The following RALGAPA2 variants were observed in gnomAD, a reference collection of about 807,000 sequenced individuals.
RALGAPA2 encodes ral GTPase-activating protein subunit alpha-2.
RALGAPA2 carries 139 observed loss-of-function variants against 230.4 expected under a neutral mutation model. The ratio of observed to expected loss-of-function variants is 0.60; its 90% CI spans 0.53 to 0.69. RALGAPA2 has a LOEUF of 0.69. Among genes scored for constraint, RALGAPA2 ranks in the 30% least tolerant of loss-of-function variants. RALGAPA2 has a pLI of 0.00. For missense variants in RALGAPA2, 2,163 were observed against 2,276.0 expected (o/e 0.95, Z 1.01); for synonymous variants, 847 against 837.8 (o/e 1.01, Z -0.19).
chr20:20,539,321 T>C (rs1004566885), intron 24 of RALGAPA2, among the ~76,000 whole-genome samples: 2 of 152,148 alleles, frequency 1.3e-5, no homozygotes, highest in Non-Finnish European at 2.9e-5. Flanking sequence ...CTTTCACCAG[T>C]TCCTCTACAA....
intron 24 of RALGAPA2, among the ~76,000 whole-genome samples, chr20:20,537,701 G>T (rs1271372899): frequency 1.3e-5 from 2 of 151,548 alleles, no homozygotes; most frequent in Non-Finnish European, 2.9e-5. Flanking sequence ...AAGAATAGGG[G>T]ACTACACAGG....
rs2059631272 is a variant in RALGAPA2, at chr20:20,393,142, T to G, written c.*147A>C. ...GAGGGCACTAGTACAGCAACGAAAT[T>G]TCCTGGAGATTCTGGGTTTAGTGGC... On this transcript the variant is annotated 3_prime_UTR_variant, in exon 40 of 40. Coordinates refer to ENST00000202677, the MANE Select transcript of RALGAPA2 (RefSeq NM_020343.4). 7.3e-7 allele frequency: 1 copy of G among 1,360,548 alleles called. No homozygotes were observed. Among genetic ancestry groups the G allele is most frequent in the Non-Finnish European group, 9.8e-7 (1 of 1,019,368 alleles). 84.3% of individuals were successfully genotyped at this position (1,360,548 alleles called of 1,614,324 possible).
chr20:20,564,780 T>TGA (rs891465483), intron 23 of RALGAPA2, among the ~76,000 whole-genome samples: 1 of 152,202 alleles, frequency 6.6e-6, no homozygotes, highest in African/African-American at 2.4e-5. Context: ...CTGCCATCCA[T>TGA]GAGAGTCATA....
intron 23 of RALGAPA2, among the ~76,000 whole-genome samples, chr20:20,549,507 G>A (rs992552793): frequency 1.3e-5 from 2 of 152,080 alleles, no homozygotes; most frequent in African/African-American, 4.8e-5. Context: ...GTGTGAAGTC[G>A]CCAAAGACAG....
intron 23 of RALGAPA2, among the ~76,000 whole-genome samples, chr20:20,549,845 C>A (rs1227296817): frequency 6.6e-6 from 1 of 152,180 alleles, no homozygotes; most frequent in East Asian, 1.9e-4. Context: ...ACCTTCCTCA[C>A]AGCCTCCAGG....
chr20:20,465,148 TTCACAC>T (rs2061388306), intron 37 of RALGAPA2, among the ~76,000 whole-genome samples: 1 of 10,452 alleles, frequency 9.6e-5, no homozygotes. Context: ...CCCGCAGGCC[TTCACAC>T]ACACACACAC....
Position 20,637,796 on chromosome 20 carries a change from C to T in RALGAPA2, c.667-295G>A, listed in dbSNP as rs759345885. 8.5e-5 allele frequency among the ~76,000 whole-genome samples: 13 copies of T among 152,100 alleles called. No homozygotes were observed. In the South Asian group the frequency reaches 1.2e-3, roughly 15 times the overall value. ...GTATCATGCCCATATTTTTTCTCTA[C>T]GTTTTTTGTAATTATCTAACATTCC... On this transcript the variant is annotated intron_variant, in intron 7 of 39. Transcript: ENST00000202677.
intron 3 of RALGAPA2, among the ~76,000 whole-genome samples, chr20:20,657,548 T>A (rs541228966): frequency 1.1e-4 from 16 of 152,282 alleles, no homozygotes; most frequent in African/African-American, 3.6e-4. Flanking sequence ...GCCCCCTACT[T>A]GAGAGACATG....
At chr20:20,462,641 C>T (rs904635716) in intron 37 of RALGAPA2, among the ~76,000 whole-genome samples, 7 of 152,108 alleles carry the variant, frequency 4.6e-5, no homozygotes, top group Non-Finnish European at 8.8e-5. Context: ...GCATTTGGGT[C>T]GTACTCACCC....
At chr20:20,530,751 G>A (rs1297307637) in intron 27 of RALGAPA2, among the ~76,000 whole-genome samples, 1 of 152,152 alleles carries the variant, frequency 6.6e-6, no homozygotes, top group Non-Finnish European at 1.5e-5. Context: ...TTGGCTCAGT[G>A]AGGTGGTCAT....
At chr20:20,596,083 T>C (rs1409664273) in intron 16 of RALGAPA2, among the ~76,000 whole-genome samples, 1 of 152,164 alleles carries the variant, frequency 6.6e-6, no homozygotes. Flanking sequence ...CCCAACTGTG[T>C]TTCTTTATGT....
chr20:20,570,767 A>G (rs1371306552), intron 23 of RALGAPA2, among the ~76,000 whole-genome samples: 1 of 152,192 alleles, frequency 6.6e-6, no homozygotes, highest in Non-Finnish European at 1.5e-5. Context: ...TGAAGCATAA[A>G]TCAATCACAT....
intron 39 of RALGAPA2, among the ~76,000 whole-genome samples, chr20:20,396,294 C>T (rs553394355): frequency 2.0e-5 from 3 of 152,384 alleles, no homozygotes; most frequent in Admixed American, 6.5e-5. Context: ...TTAAGGCTGG[C>T]GGTCAAAGGC....
At chr20:20,651,342 A>G (rs770896819) in intron 4 of RALGAPA2, among the ~76,000 whole-genome samples, 2 of 152,228 alleles carry the variant, frequency 1.3e-5, no homozygotes, top group Non-Finnish European at 2.9e-5. Flanking sequence ...TAAGTATATA[A>G]GCATCAGTAA....
At chr20:20,509,183 G>A (rs1345880182) in intron 33 of RALGAPA2, among the ~76,000 whole-genome samples, 4 of 152,186 alleles carry the variant, frequency 2.6e-5, no homozygotes, top group Non-Finnish European at 4.4e-5. Flanking sequence ...AATTTCCATA[G>A]AGAAGTTGAT....
chr20:20,663,568 C>A (rs1200465666), intron 3 of RALGAPA2, among the ~76,000 whole-genome samples: 1 of 152,096 alleles, frequency 6.6e-6, no homozygotes, highest in African/African-American at 2.4e-5. Context: ...AGCATCACTA[C>A]TCTTGTGTTT....
chr20:20,590,708 C>T (rs1312474433), intron 17 of RALGAPA2, among the ~76,000 whole-genome samples: 1 of 152,192 alleles, frequency 6.6e-6, no homozygotes, highest in African/African-American at 2.4e-5. Flanking sequence ...TCCATCTCAG[C>T]AGAGTCGGCA....
At chr20:20,632,198 TG>T (rs1047423510) in intron 9 of RALGAPA2, among the ~76,000 whole-genome samples, 2 of 151,996 alleles carry the variant, frequency 1.3e-5, no homozygotes, top group African/African-American at 2.4e-5. Context: ...CTAATTTTTT[TG>T]TATTTTTTTT....
intron 1 of RALGAPA2, among the ~76,000 whole-genome samples, chr20:20,704,497 T>C (rs2069517959): frequency 6.6e-6 from 1 of 152,214 alleles, no homozygotes; most frequent in South Asian, 2.1e-4. Flanking sequence ...AAGAAGGTCC[T>C]GGCAAAGACA....
Sources: allele counts gnomAD v4.1 joint callset (sites outside exome capture counted in the v4.1 genomes callset), GRCh38; gene constraint gnomAD v4.1.1; transcripts MANE v1.5; gene names NCBI Gene and HGNC (gene_info 2026-07-23, HGNC 2026-07-21).